The following PLCG2 variants were observed in gnomAD, a reference collection of about 807,000 sequenced individuals.
The protein encoded by PLCG2 is 1-phosphatidylinositol 4,5-bisphosphate phosphodiesterase gamma-2.
Under a neutral mutation model 175.6 loss-of-function variants are expected in PLCG2, and 69 were observed. The ratio of observed to expected loss-of-function variants is 0.39; its 90% CI spans 0.32 to 0.48. PLCG2 has a LOEUF of 0.48. PLCG2 is among the 20% of genes least tolerant of loss of function. The pLI, the probability that PLCG2 is intolerant of heterozygous loss-of-function variation, is 0.91. For synonymous variants in PLCG2, 827 were observed against 624.0 expected, an observed-to-expected ratio of 1.33 and a Z score of -4.85; for missense variants, 1,798 against 1,650.9, an observed-to-expected ratio of 1.09 and a Z score of -1.54.
chr16:81,847,378 ATTGGCC>A (rs1906179991), intron 2 of PLCG2, among the ~76,000 whole-genome samples: 2 of 152,298 alleles, frequency 1.3e-5, no homozygotes, highest in South Asian at 4.1e-4. Flanking sequence ...TGATTAAATC[ATTGGCC>A]ATTGGTGACC....
At chr16:81,920,613 T>C (rs925652750) in intron 20 of PLCG2, among the ~76,000 whole-genome samples, 6 of 151,960 alleles carry the variant, frequency 3.9e-5, no homozygotes, top group Admixed American at 6.6e-5. Flanking sequence ...AAGGGGTGAC[T>C]CTAGGTACAG....
chr16:81,750,317 G>C (rs1347693853), intron 1 of PLCG2, among the ~76,000 whole-genome samples: 1 of 151,606 alleles, frequency 6.6e-6, no homozygotes, highest in Non-Finnish European at 1.5e-5. Flanking sequence ...CTACTCAGGA[G>C]GTTGAGACAG....
intron 2 of PLCG2, among the ~76,000 whole-genome samples, chr16:81,852,919 C>G (rs781547533): frequency 6.6e-6 from 1 of 152,146 alleles, no homozygotes; most frequent in South Asian, 2.1e-4. Flanking sequence ...CTTCCATGGC[C>G]TCTCCATAGG....
At chr16:81,762,243 G>A (rs1425215840) in intron 2 of PLCG2, among the ~76,000 whole-genome samples, 2 of 152,036 alleles carry the variant, frequency 1.3e-5, no homozygotes, top group Non-Finnish European at 2.9e-5. Flanking sequence ...GCATACATAT[G>A]TTGCTATTAT....
At chr16:81,745,905 G>C (rs555594097) in intron 1 of PLCG2, among the ~76,000 whole-genome samples, 3 of 152,344 alleles carry the variant, frequency 2.0e-5, no homozygotes, top group African/African-American at 7.2e-5. Flanking sequence ...CCTCCTGGCT[G>C]TCATACAGCG....
chr16:81,897,300 G>A (rs1344189374), intron 13 of PLCG2, among the ~76,000 whole-genome samples: 1 of 152,204 alleles, frequency 6.6e-6, no homozygotes, highest in Non-Finnish European at 1.5e-5. Flanking sequence ...ACGAGTATGG[G>A]TTCTGAGTCC....
intron 2 of PLCG2, among the ~76,000 whole-genome samples, chr16:81,838,778 A>AATATATATATATATATAT (rs10549962): frequency 6.4e-5 from 9 of 141,684 alleles, no homozygotes; most frequent in African/African-American, 2.1e-4. Context: ...AGTAAAATTA[A>AATATATATATATATATAT]ATATATATAT....
Position 81,960,702 on chromosome 16 carries a change from G to T in PLCG2, c.*2704G>T, listed in dbSNP as rs2143790454. ...TGAAGACCTACTGCTCTATTAAGAA[G>T]GCAGCCGGACAACATGTTCTAATAC... On this transcript the variant is annotated 3_prime_UTR_variant, in exon 33 of 33. Coordinates refer to ENST00000564138, the MANE Select transcript of PLCG2 (RefSeq NM_002661.5). The T allele has an allele frequency of 4.4e-6, 1 of 229,652 alleles. No homozygotes were observed. 14.2% of individuals were successfully genotyped at this position (229,652 alleles called of 1,614,324 possible). A position where few individuals can be genotyped will look rare whatever the true frequency, so the allele number is the denominator to read the frequency against.
At chr16:81,778,033 A>C (rs1414485643), upstream of PLCG2, among the ~76,000 whole-genome samples, 2 of 32,202 alleles carry the variant, frequency 6.2e-5, no homozygotes, top group East Asian at 1.0e-3. Context: ...AAAAAAAAAC[A>C]AAAAAAAAAC....
rs1906784606 is a variant in PLCG2, at chr16:81,858,276, G to T, written c.351G>T (p.Glu117Asp). ...STLSLAADSKEDAVNWLSGLK... is the reference protein window; with the variant it reads ...STLSLAADSKDDAVNWLSGLK... ...TCTCCACTCCAGCTGACTCTAAAGA[G>T]GATGCAGTTAACTGGCTCTCTGGCT... Residue 117 changes from glutamate to aspartate, a missense_variant, in exon 4 of 33, where the codon GAG becomes GAT. By Grantham distance (45) the Glu-to-Asp change is conservative (BLOSUM62 2). Transcript: ENST00000564138. 6.2e-7 allele frequency: 1 copy of T among 1,612,350 alleles called. No homozygotes were observed. Among genetic ancestry groups the T allele is most frequent in the African/African-American group, 1.3e-5 (1 of 74,894 alleles).
At chr16:81,745,882 CG>C (rs1363544721) in intron 1 of PLCG2, among the ~76,000 whole-genome samples, 1 of 152,178 alleles carries the variant, frequency 6.6e-6, no homozygotes, top group Non-Finnish European at 1.5e-5. Context: ...AGCGGCCAGA[CG>C]TTATTCCTGA....
chr16:81,793,176 G>C (rs1385977624), intron 2 of PLCG2, among the ~76,000 whole-genome samples: 2 of 152,200 alleles, frequency 1.3e-5, no homozygotes, highest in Non-Finnish European at 2.9e-5. Flanking sequence ...CTTTCCAGGG[G>C]TGTTGGATAA....
intron 2 of PLCG2, among the ~76,000 whole-genome samples, chr16:81,814,244 C>G (rs1020055880): frequency 2.0e-5 from 3 of 152,200 alleles, no homozygotes; most frequent in Non-Finnish European, 2.9e-5. Flanking sequence ...GGTTATTTCA[C>G]TGTTCTCCTC....
chr16:81,760,740 G>A (rs147769490), intron 2 of PLCG2, among the ~76,000 whole-genome samples: 1,281 of 102,540 alleles, frequency 0.012, 47 homozygotes, highest in Admixed American at 0.12. Context: ...GTGAGACCCC[G>A]TCTCTATTAA....
At chr16:81,808,056 G>C (rs1004084500) in intron 2 of PLCG2, among the ~76,000 whole-genome samples, 1 of 152,212 alleles carries the variant, frequency 6.6e-6, no homozygotes, top group Admixed American at 6.5e-5. Context: ...AACAATATTA[G>C]GTTGTTTCTA....
chr16:81,816,651 A>ATTTTTTT (rs71146047), intron 2 of PLCG2, among the ~76,000 whole-genome samples: 3 of 108,854 alleles, frequency 2.8e-5, no homozygotes, highest in African/African-American at 1.1e-4. Context: ...GCTAATTTTA[A>ATTTTTTT]TTTTTTTTTT....
intron 2 of PLCG2, among the ~76,000 whole-genome samples, chr16:81,852,377 G>T (rs540892287): frequency 1.3e-5 from 2 of 152,206 alleles, no homozygotes; most frequent in South Asian, 2.1e-4. Flanking sequence ...GGTTGAAGGT[G>T]GTGGGGGTGA....
Position 81,926,892 on chromosome 16 carries a change from A to C in PLCG2, c.2418-190A>C, listed in dbSNP as rs6564938. On this transcript the variant is annotated intron_variant, in intron 22 of 32. Transcript: ENST00000564138. ...TAAAATCAGCCCCCAGTAACTCATT[A>C]GTAATTAAAAAATAAAAAGACAGCA... Among the ~76,000 whole-genome samples, 108,494 of 152,162 alleles carry C rather than the reference A, an allele frequency of 0.71. 39,365 individuals are homozygous for C. The highest frequency in any genetic ancestry group is 0.82 in the East Asian group (4,271 of 5,182).
intron 2 of PLCG2, among the ~76,000 whole-genome samples, chr16:81,837,562 C>G (rs562923568): frequency 1.3e-5 from 2 of 152,270 alleles, no homozygotes; most frequent in South Asian, 2.1e-4. Context: ...GGTGCCATGG[C>G]AAAGCGTTAA....
Sources: allele counts gnomAD v4.1 joint callset (sites outside exome capture counted in the v4.1 genomes callset), GRCh38; gene constraint gnomAD v4.1.1; transcripts MANE v1.5; gene names NCBI Gene and HGNC (gene_info 2026-07-23, HGNC 2026-07-21).